PRKD1: variants seen among roughly 807,000 people sequenced by gnomAD.
The protein encoded by PRKD1 is protein kinase D1, also known as serine/threonine-protein kinase D1.
In PRKD1, 63 loss-of-function variants were observed where a neutral mutation model predicts 95.9. The observed-to-expected ratio is 0.66, with a 90% CI of 0.54 to 0.81. PRKD1 has a LOEUF of 0.81. Ranked by LOEUF, PRKD1 falls within the 30% of genes least tolerant of loss-of-function variation. PRKD1 has a pLI of 0.00. For missense variants in PRKD1, 1,048 were observed against 1,165.3 expected (o/e 0.90, Z 1.47); for synonymous variants, 425 against 423.1 (o/e 1.00, Z -0.05).
intron 2 of PRKD1, among the ~76,000 whole-genome samples, chr14:29,670,703 C>G (rs1882789531): frequency 6.6e-6 from 1 of 152,122 alleles, no homozygotes; most frequent in South Asian, 2.1e-4. Context: ...CTCCCCATCA[C>G]CCAATACACA....
At chr14:29,859,018 T>C (rs1037752214) in intron 1 of PRKD1, among the ~76,000 whole-genome samples, 2 of 152,218 alleles carry the variant, frequency 1.3e-5, no homozygotes, top group African/African-American at 2.4e-5. Flanking sequence ...AAAAGGTCTT[T>C]ACTACTAAAC....
In PRKD1 at chr14:29,577,431, C is replaced by T. The variant is rs771109503; in HGVS notation, c.2546G>A (p.Arg849Gln). The change falls in exon 18 of 18, where the codon CGA (arginine) becomes CAA (glutamine). Residue 849 changes from arginine (R) to glutamine (Q), a missense_variant. Around this residue, in one of 3 missense-constraint regions of PRKD1, gnomAD observed 739 missense variants for 861.9 expected, o/e 0.86. Coordinates refer to ENST00000331968, the MANE Select transcript of PRKD1 (RefSeq NM_002742.3). ...LQDYQTWLDL[R>Q]ELECKIGERY... The stretch of plus-strand genomic sequence containing the variant: ...CTCCCCGATTTTGCATTCCAGCTCT[C>T]GCAAATCTAACCAGGTCTGATAGTC... 6.8e-6 allele frequency: 11 copies of T among 1,613,570 alleles called. No homozygotes were observed. The highest frequency in any genetic ancestry group is 1.7e-5 in the Admixed American group (1 of 59,934).
chr14:29,733,171 C>T (rs1220866149), intron 1 of PRKD1, among the ~76,000 whole-genome samples: 1 of 149,998 alleles, frequency 6.7e-6, no homozygotes, highest in Non-Finnish European at 1.5e-5. Context: ...GGCGCAATCT[C>T]GGCTCACTGC....
chr14:29,811,326 C>T (rs761079037), intron 1 of PRKD1, among the ~76,000 whole-genome samples: 12 of 152,140 alleles, frequency 7.9e-5, no homozygotes, highest in East Asian at 3.9e-4. Flanking sequence ...CACTGGCTAG[C>T]GGCTGAGTTC....
chr14:29,885,725 G>A (rs774818311), intron 1 of PRKD1, among the ~76,000 whole-genome samples: 4 of 149,926 alleles, frequency 2.7e-5, no homozygotes, highest in Non-Finnish European at 4.4e-5. Flanking sequence ...CCAGCATTTC[G>A]GAAAGCTGAG....
chr14:29,720,171 ACTGT>A (rs1252301698), intron 2 of PRKD1, among the ~76,000 whole-genome samples: 1 of 152,170 alleles, frequency 6.6e-6, no homozygotes, highest in Non-Finnish European at 1.5e-5. Flanking sequence ...ATGTATAGAA[ACTGT>A]CTGAGGTGCT....
chr14:29,798,567 A>T (rs1223205867), intron 1 of PRKD1, among the ~76,000 whole-genome samples: 3 of 152,168 alleles, frequency 2.0e-5, no homozygotes, highest in Admixed American at 6.5e-5. Context: ...TATGAATATG[A>T]TTATTGCCCA....
chr14:29,852,238 A>T (rs1808931099), intron 1 of PRKD1, among the ~76,000 whole-genome samples: 1 of 152,184 alleles, frequency 6.6e-6, no homozygotes, highest in Non-Finnish European at 1.5e-5. Flanking sequence ...CTAAAATAAA[A>T]GTTGAGAAAA....
At chr14:29,821,449 A>G (rs1890907898) in intron 1 of PRKD1, among the ~76,000 whole-genome samples, 1 of 152,078 alleles carries the variant, frequency 6.6e-6, no homozygotes, top group African/African-American at 2.4e-5. Context: ...CTAGATCCTG[A>G]CTATGATATT....
intron 4 of PRKD1, among the ~76,000 whole-genome samples, chr14:29,653,779 A>G (rs1434723162): frequency 6.6e-6 from 1 of 152,218 alleles, no homozygotes. Context: ...ATAGAGGATA[A>G]CAGTCATAAT....
chr14:29,675,019 A>G (rs1469532491), intron 2 of PRKD1, among the ~76,000 whole-genome samples: 1 of 152,192 alleles, frequency 6.6e-6, no homozygotes, highest in Non-Finnish European at 1.5e-5. Context: ...CAGAAGAAGA[A>G]ACAGTTCAAC....
chr14:29,733,764 T>C (rs1267672255), intron 1 of PRKD1, among the ~76,000 whole-genome samples: 1 of 152,100 alleles, frequency 6.6e-6, no homozygotes, highest in East Asian at 1.9e-4. Context: ...ATGGGGATTA[T>C]GGGGATTACA....
chr14:29,681,901 C>T (rs996974944), intron 2 of PRKD1, among the ~76,000 whole-genome samples: 1 of 152,088 alleles, frequency 6.6e-6, no homozygotes, highest in Non-Finnish European at 1.5e-5. Flanking sequence ...AGGATTAGTA[C>T]AAGCCAATAA....
chr14:29,664,560 T>G (rs906031753), intron 3 of PRKD1, among the ~76,000 whole-genome samples: 1 of 152,166 alleles, frequency 6.6e-6, no homozygotes, highest in Non-Finnish European at 1.5e-5. Flanking sequence ...TAAAACCAGA[T>G]TTTAGGCAGA....
intron 1 of PRKD1, among the ~76,000 whole-genome samples, chr14:29,880,538 G>T (rs985354700): frequency 1.3e-5 from 2 of 152,160 alleles, no homozygotes; most frequent in Non-Finnish European, 2.9e-5. Flanking sequence ...AGGAAATGTG[G>T]GGTTGAAGCC....
chr14:29,623,174 A>G (rs1255293701), intron 13 of PRKD1, among the ~76,000 whole-genome samples: 2 of 151,358 alleles, frequency 1.3e-5, no homozygotes, highest in Admixed American at 6.6e-5. Context: ...GTGCTCCATT[A>G]GTTGTCCAGA....
chr14:29,756,064 CATATCT>C (rs1022641222), intron 1 of PRKD1, among the ~76,000 whole-genome samples: 24 of 152,234 alleles, frequency 1.6e-4, no homozygotes, highest in African/African-American at 5.5e-4. Flanking sequence ...TATATATAGT[CATATCT>C]ATATCTATAT....
Position 29,616,243 on chromosome 14 carries a change from CAAAAAAAAAAAAA to C in PRKD1, c.1905+7896_1905+7908del, listed in dbSNP as rs72142312. On this transcript the variant is annotated intron_variant, in intron 13 of 17. Coordinates refer to ENST00000331968, the MANE Select transcript of PRKD1 (RefSeq NM_002742.3). ...GAGCCTTAGAAATCAAGAGTATGGCCAAAAAAAAAAAAAAAAAAAAAAGCCATGTATTGCCATG... is the reference window on the plus strand; with the variant it reads ...GAGCCTTAGAAATCAAGAGTATGGCCAAAAAAAAAGCCATGTATTGCCATG... Among the ~76,000 whole-genome samples, 4 of 33,958 alleles carry C rather than the reference CAAAAAAAAAAAAA, an allele frequency of 1.2e-4. No homozygotes were observed. In the Admixed American group the frequency reaches 1.6e-3, roughly 14 times the overall value. The allele number at this position is 33,958 out of a possible 152,430, so 22.3% of individuals were successfully genotyped here. A position where few individuals can be genotyped will look rare whatever the true frequency, so the allele number is the denominator to read the frequency against.
intron 1 of PRKD1, among the ~76,000 whole-genome samples, chr14:29,826,249 T>C (rs1594553076): frequency 5.0e-5 from 2 of 39,684 alleles, no homozygotes; most frequent in African/African-American, 9.1e-5. Context: ...TACATATATA[T>C]GATGGAATAT....
Sources: gnomAD v4.1 joint callset for allele counts (sites outside exome capture counted in the v4.1 genomes callset) on GRCh38, gnomAD v4.1.1 for gene constraint, gnomAD v4.1.1 regional missense constraint, MANE v1.5 for transcripts, NCBI Gene and HGNC (gene_info 2026-07-23, HGNC 2026-07-21) for gene names.